Variants in PELI3 observed in about 807,000 individuals in gnomAD.
PELI3 encodes E3 ubiquitin-protein ligase pellino homolog 3.
Under a neutral mutation model 35.5 loss-of-function variants are expected in PELI3, and 19 were observed. That is an observed-to-expected ratio of 0.54 (90% CI 0.37 to 0.79). PELI3 has a LOEUF of 0.79. PELI3 is among the 30% of genes least tolerant of loss of function. PELI3 has a pLI of 0.00. For missense variants in PELI3, 490 were observed against 661.2 expected, an observed-to-expected ratio of 0.74 and a Z score of 2.84; for synonymous variants, 262 against 279.2, an observed-to-expected ratio of 0.94 and a Z score of 0.62.
chr11:66,468,136 T>G lies in PELI3; in HGVS notation c.8T>G (p.Leu3Arg). 6.2e-7 allele frequency: 1 copy of G among 1,607,900 alleles called. No individual in the cohort carries two copies. The change falls in exon 2 of 8, where the codon CTG (leucine) becomes CGG (arginine). Residue 3 changes from leucine to arginine, a missense_variant. This residue lies in a region of PELI3 where 137 missense variants were observed against 157.1 expected (regional missense o/e 0.87). Coordinates refer to ENST00000320740, the MANE Select transcript of PELI3 (RefSeq NM_145065.3). The stretch of plus-strand genomic sequence containing the variant: ...TCTCCCACTCTGCCCAGAATGGTGC[T>G]GGAAGGAAACCCTGAAGTGGGGTCC... MV[L>R]EGNPEVGSPR...
At position 66,468,193 on chromosome 11, in the gene PELI3, A is replaced by G; in HGVS notation, c.65A>G (p.Asn22Ser). Residue 22 changes from asparagine (N) to serine (S), a missense_variant, in exon 2 of 8, where the codon AAC becomes AGC. Asn to Ser is a conservative substitution (Grantham distance 46, BLOSUM62 1). This residue lies in a region of PELI3 where 137 missense variants were observed against 157.1 expected (regional missense o/e 0.87). Transcript: ENST00000320740. The stretch of plus-strand genomic sequence containing the variant: ...ACCTCAGACCTCCAGCACCGGGGGA[A>G]CAAGGGCTCTTGCGTTCTCTCCTCT... The part of the protein sequence containing the change: ...PRTSDLQHRG[N>S]KGSCVLSSPG... 6.2e-7 allele frequency: 1 copy of G among 1,607,728 alleles called. No individual in the cohort carries two copies. Among genetic ancestry groups the G allele is most frequent in the Non-Finnish European group, 8.5e-7 (1 of 1,176,646 alleles).
chr11:66,472,600 C>T (rs531062951), intron 5 of PELI3, 130 bp downstream of exon 5: 60 of 709,068 alleles, frequency 8.5e-5, no homozygotes, highest in Non-Finnish European at 1.3e-4. Context: ...CAGGATGTCC[C>T]GGTGTGGGCT....
intron 3 of PELI3, among the ~76,000 whole-genome samples, chr11:66,470,570 G>T (rs543764798): frequency 1.3e-5 from 2 of 152,240 alleles, no homozygotes; most frequent in African/African-American, 4.8e-5. Flanking sequence ...CCATGGCAGC[G>T]ATGAGAGCTA....
chr11:66,476,472 C>T lies in PELI3; in HGVS notation c.*305C>T. 2.3e-6 allele frequency: 1 copy of T among 428,866 alleles called. No individual in the cohort carries two copies. Among genetic ancestry groups the T allele is most frequent in the Non-Finnish European group, 4.2e-6 (1 of 237,880 alleles). The allele number at this position is 428,866 out of a possible 1,614,324, so 26.6% of individuals were successfully genotyped here. ...ATCGTGCCGCCGACACTGTGTGCCC[C>T]TGGGGGAGTGAAGGGGCCAGGGGCC... On this transcript the variant is annotated 3_prime_UTR_variant, in exon 8 of 8. Transcript: ENST00000320740.
chr11:66,468,427 A>G lies in PELI3; in HGVS notation c.152+147A>G. 8 of 754,240 alleles carry G rather than the reference A, an allele frequency of 1.1e-5. 1 individual carries two copies. The South Asian group carries it at 2.9e-4, about 28-fold the overall frequency. 46.7% of individuals were successfully genotyped at this position (754,240 alleles called of 1,614,324 possible). On this transcript the variant is annotated intron_variant, in intron 2 of 7. Coordinates refer to ENST00000320740, the MANE Select transcript of PELI3 (RefSeq NM_145065.3). Reference sequence around the variant, plus strand: ...CTAGCTGAAAGACAAAATTGACCAAACCCACCTCAATTCATAATTATTATT... The same window carrying G: ...CTAGCTGAAAGACAAAATTGACCAAGCCCACCTCAATTCATAATTATTATT...
At chr11:66,470,326 C>A (rs144762474) in intron 3 of PELI3, among the ~76,000 whole-genome samples, 23 of 152,316 alleles carry the variant, frequency 1.5e-4, no homozygotes, top group Non-Finnish European at 2.5e-4. Flanking sequence ...ACCCTGCCAG[C>A]CTTGGGCCCT....
At chr11:66,475,514 C>A in intron 7 of PELI3, 84 bp from the exon 8 acceptor site, 1 of 1,466,290 alleles carries the variant, frequency 6.8e-7, no homozygotes, top group Non-Finnish European at 9.4e-7. Flanking sequence ...GCCAGGGTGT[C>A]CTCTCCAGGG....
At chr11:66,468,398 C>A in intron 2 of PELI3, 118 bp downstream of exon 2, 1 of 1,032,864 alleles carries the variant, frequency 9.7e-7, no homozygotes, top group Non-Finnish European at 1.3e-6. Flanking sequence ...CCCTCCTCAC[C>A]TTCCTAGCTG....
chr11:66,475,514 C>T (rs1338091479), intron 7 of PELI3, 84 bp from the exon 8 acceptor site: 2 of 1,466,174 alleles, frequency 1.4e-6, no homozygotes, highest in Non-Finnish European at 1.9e-6. Flanking sequence ...GCCAGGGTGT[C>T]CTCTCCAGGG....
Position 66,471,336 on chromosome 11 carries a change from G to A in PELI3, c.319G>A (p.Val107Ile), listed in dbSNP as rs756980058. The A allele has an allele frequency of 2.9e-5, 47 of 1,613,912 alleles. No homozygotes were observed. Among genetic ancestry groups the A allele is most frequent in the East Asian group, 8.9e-5 (4 of 44,864 alleles). Reference sequence around the variant, plus strand: ...GCACGCCAACGGGGTGAAGCCAGACGTCATGCACCACATCTCCACGCCGCT... The same window carrying A: ...GCACGCCAACGGGGTGAAGCCAGACATCATGCACCACATCTCCACGCCGCT... ...RSHANGVKPD[V>I]MHHISTPLVS... Residue 107 changes from valine to isoleucine, a missense_variant, in exon 4 of 8, where the codon GTC (valine) becomes ATC (isoleucine). Transcript: ENST00000320740.
Position 66,468,860 on chromosome 11 carries a change from C to T in PELI3, c.180C>T (p.Thr60=), listed in dbSNP as rs976303506. The change falls in exon 3 of 8, where the codon ACC becomes ACT. Residue 60 remains threonine, a synonymous_variant. Transcript: ENST00000320740. ...GCTGTGAGGAAGGAGGTGAGGAAAC[C>T]GAGGCTCAGAGAGGGGAAGTGACTG... ...LGCCEEGGEE[T]EAQRGEVTGP... 7.7e-6 allele frequency: 6 copies of T among 779,614 alleles called. No individual in the cohort carries two copies. The highest frequency in any genetic ancestry group is 2.7e-5 in the South Asian group (2 of 74,420). 48.3% of individuals were successfully genotyped at this position (779,614 alleles called of 1,614,324 possible).
upstream of PELI3, chr11:66,466,738 C>T (rs1244575120): frequency 1.3e-5 from 2 of 152,002 alleles, no homozygotes; most frequent in East Asian, 3.9e-4. Flanking sequence ...AGGGCGTGGT[C>T]TCCTGCGAAG....
Position 66,476,231 on chromosome 11 carries a change from A to G in PELI3, c.*64A>G. 1 of 1,455,534 alleles carries G rather than the reference A, an allele frequency of 6.9e-7. No homozygotes were observed. The highest frequency in any genetic ancestry group is 9.2e-7 in the Non-Finnish European group (1 of 1,089,470). 90.2% of individuals were successfully genotyped at this position (1,455,534 alleles called of 1,614,324 possible). On this transcript the variant is annotated 3_prime_UTR_variant, in exon 8 of 8. Transcript: ENST00000320740. ...CCCAGGTCCCCACCTCCTGCAGCCC[A>G]GAGGGAGCTCTGCATGTGGGACACT...
chr11:66,475,493 C>T, intron 7 of PELI3, 105 bp from the exon 8 acceptor site: 3 of 1,303,358 alleles, frequency 2.3e-6, no homozygotes, highest in Non-Finnish European at 3.2e-6. Flanking sequence ...TCTGCCCTGC[C>T]TGCCCTGCCC....
intron 2 of PELI3, 83 bp downstream of exon 2, chr11:66,468,363 C>T: frequency 1.5e-6 from 2 of 1,310,444 alleles, no homozygotes; most frequent in Non-Finnish European, 2.0e-6. Flanking sequence ...CCTCCTCCCC[C>T]CACATAGGGC....
intron 5 of PELI3, 113 bp downstream of exon 5, chr11:66,472,583 G>A (rs951575605): frequency 6.2e-6 from 5 of 802,892 alleles, no homozygotes; most frequent in Admixed American, 2.2e-5. Flanking sequence ...CTCTCCAGAC[G>A]AGGAAGCAGG....
intron 3 of PELI3, among the ~76,000 whole-genome samples, chr11:66,470,794 C>T (rs1042600407): frequency 6.6e-6 from 1 of 152,224 alleles, no homozygotes; most frequent in Non-Finnish European, 1.5e-5. Flanking sequence ...TGTTCCCTCT[C>T]CCAGAAACCT....
chr11:66,468,979 T>C, intron 3 of PELI3, 75 bp downstream of exon 3: 1 of 655,534 alleles, frequency 1.5e-6, no homozygotes, highest in Non-Finnish European at 2.8e-6. Flanking sequence ...AAGCCACAGC[T>C]GACCCTCACA....
chr11:66,469,691 C>A (rs1369929710), intron 3 of PELI3, among the ~76,000 whole-genome samples: 2 of 152,138 alleles, frequency 1.3e-5, no homozygotes. Context: ...TCCACACTGG[C>A]TGCATATCAG....
Sources: gnomAD v4.1 joint callset for allele counts (sites outside exome capture counted in the v4.1 genomes callset) on GRCh38, gnomAD v4.1.1 for gene constraint, gnomAD v4.1.1 regional missense constraint, MANE v1.5 for transcripts, NCBI Gene and HGNC (gene_info 2026-07-23, HGNC 2026-07-21) for gene names.